Variants in IQCB1 observed in about 807,000 individuals in gnomAD.
IQCB1 encodes IQ motif containing B1.
A neutral mutation model predicts 84.4 loss-of-function variants in IQCB1; 56 were observed. The ratio of observed to expected loss-of-function variants is 0.66; its 90% CI spans 0.54 to 0.83. The LOEUF (loss-of-function observed/expected upper bound fraction) is 0.83. Ranked by LOEUF, IQCB1 falls within the 40% of genes least tolerant of loss-of-function variation. The pLI, the probability that IQCB1 is intolerant of heterozygous loss-of-function variation, is 0.00. For synonymous variants in IQCB1, 210 were observed against 234.8 expected, an observed-to-expected ratio of 0.89 and a Z score of 0.96; for missense variants, 629 against 682.1, an observed-to-expected ratio of 0.92 and a Z score of 0.87.
At chr3:121,809,578 A>C (rs1419683058) in intron 5 of IQCB1, among the ~76,000 whole-genome samples, 6 of 152,144 alleles carry the variant, frequency 3.9e-5, no homozygotes, top group Admixed American at 1.3e-4. Flanking sequence ...TTTCTAGGAC[A>C]GTTCTGACAC....
At chr3:121,776,404 T>C (rs1948229646) in intron 13 of IQCB1, among the ~76,000 whole-genome samples, 1 of 152,222 alleles carries the variant, frequency 6.6e-6, no homozygotes, top group Admixed American at 6.5e-5. Context: ...GATAGATGTA[T>C]GTTTAATTTT....
Position 121,770,349 on chromosome 3 carries a change from G to C in IQCB1, c.1793C>G (p.Pro598Arg). 1.9e-6 allele frequency: 3 copies of C among 1,592,462 alleles called. No individual in the cohort carries two copies. The highest frequency in any genetic ancestry group is 2.6e-6 in the Non-Finnish European group (3 of 1,160,458). The change falls in exon 15 of 15, where the codon CCT (proline) becomes CGT (arginine). Residue 598 changes from proline to arginine, a missense_variant. Coordinates refer to ENST00000310864, the MANE Select transcript of IQCB1 (RefSeq NM_001023570.4). Reference protein sequence around the residue: ...ENLFIGGTKPP With the variant: ...ENLFIGGTKPR ...GTCAATTCTTAGGGTTACTCACTAAGGTGGTTTGGTTCCACCAATGAATAA... is the reference window on the plus strand; with the variant it reads ...GTCAATTCTTAGGGTTACTCACTAACGTGGTTTGGTTCCACCAATGAATAA...
chr3:121,789,474 C>T (rs889530490), intron 11 of IQCB1, among the ~76,000 whole-genome samples: 2 of 151,940 alleles, frequency 1.3e-5, no homozygotes, highest in Non-Finnish European at 2.9e-5. Flanking sequence ...GATGGATACC[C>T]CAGGAAGAGA....
At chr3:121,795,214 C>T (rs1949131715) in intron 10 of IQCB1, among the ~76,000 whole-genome samples, 1 of 151,982 alleles carries the variant, frequency 6.6e-6, no homozygotes, top group Non-Finnish European at 1.5e-5. Flanking sequence ...GGCTTGGCCC[C>T]TCCCCAAATA....
At chr3:121,813,376 A>G (rs1297090632) in intron 5 of IQCB1, among the ~76,000 whole-genome samples, 1 of 152,222 alleles carries the variant, frequency 6.6e-6, no homozygotes, top group Non-Finnish European at 1.5e-5. Flanking sequence ...AATGTGCAAA[A>G]TAACCAGCCA....
intron 14 of IQCB1, among the ~76,000 whole-genome samples, chr3:121,770,825 C>T (rs1947948855): frequency 6.6e-6 from 1 of 152,056 alleles, no homozygotes; most frequent in Non-Finnish European, 1.5e-5. Context: ...TGGGACTATG[C>T]CACCACACCC....
chr3:121,788,503 T>C, intron 11 of IQCB1, 71 bp from the exon 12 acceptor site: 5 of 1,328,450 alleles, frequency 3.8e-6, no homozygotes, highest in South Asian at 2.4e-5. Context: ...ATCAGGACAA[T>C]GATAATAATA....
intron 13 of IQCB1, 103 bp downstream of exon 13, chr3:121,781,640 C>T: frequency 3.5e-6 from 2 of 570,096 alleles, no homozygotes; most frequent in South Asian, 3.4e-5. Flanking sequence ...TGTACACACA[C>T]ACACACACAC....
intron 1 of IQCB1, 66 bp from the exon 2 acceptor site, chr3:121,834,545 C>A (rs1001342893): frequency 1.3e-5 from 2 of 152,332 alleles, no homozygotes; most frequent in Non-Finnish European, 2.9e-5. Flanking sequence ...TAAATGTCTG[C>A]AGTTGCTATC....
At chr3:121,793,570 T>G (rs774340645) in intron 10 of IQCB1, among the ~76,000 whole-genome samples, 1 of 152,160 alleles carries the variant, frequency 6.6e-6, no homozygotes, top group Non-Finnish European at 1.5e-5. Context: ...GGTGCTGAAC[T>G]GGAGAAAACT....
chr3:121,833,518 T>C (rs7646523), intron 2 of IQCB1, among the ~76,000 whole-genome samples: 60,322 of 152,046 alleles, frequency 0.4, 12,530 homozygotes, highest in South Asian at 0.56. Context: ...ATTATTGTCA[T>C]CAACAAATAT....
intron 7 of IQCB1, among the ~76,000 whole-genome samples, chr3:121,802,131 A>C (rs529746237): frequency 7.2e-5 from 11 of 152,114 alleles, no homozygotes; most frequent in African/African-American, 2.6e-4. Flanking sequence ...TGGTATCAGG[A>C]TAATGCTGAC....
At chr3:121,828,361 A>C in intron 4 of IQCB1, 109 bp downstream of exon 4, 1 of 901,714 alleles carries the variant, frequency 1.1e-6, no homozygotes, top group Admixed American at 1.7e-5. Context: ...CAAAACCTAC[A>C]ACAGGAGGTT....
chr3:121,809,055 C>CT, intron 5 of IQCB1, 46 bp from the exon 6 acceptor site: 1 of 1,168,328 alleles, frequency 8.6e-7, no homozygotes, highest in Admixed American at 2.2e-5. Flanking sequence ...TAGTTTTTTT[C>CT]CTTTTTTTTT....
At position 121,781,765 on chromosome 3, in the gene IQCB1, T is replaced by A; in HGVS notation, c.1388A>T (p.Asp463Val). The stretch of plus-strand genomic sequence containing the variant: ...TACCAAATGTCTTCTGACATAGTCA[T>A]CCACTCGTTTCTTCAGTTCAACTCG... Reference protein sequence around the residue: ...ARRVELKKRVDDYVRRHLGSP... With the variant: ...ARRVELKKRVVDYVRRHLGSP... The change falls in exon 13 of 15, where the codon GAT becomes GTT. Residue 463 changes from aspartate (D) to valine (V), a missense_variant. Transcript: ENST00000310864. The A allele has an allele frequency of 6.2e-7, 1 of 1,613,708 alleles. No homozygotes were observed. Among genetic ancestry groups the A allele is most frequent in the Non-Finnish European group, 8.5e-7 (1 of 1,179,712 alleles).
At chr3:121,776,536 G>A (rs750564537) in intron 13 of IQCB1, among the ~76,000 whole-genome samples, 1 of 152,154 alleles carries the variant, frequency 6.6e-6, no homozygotes. Flanking sequence ...CAACAGGTAT[G>A]AAGTATCTTA....
chr3:121,814,361 G>C (rs536269994), intron 5 of IQCB1, among the ~76,000 whole-genome samples: 2 of 152,256 alleles, frequency 1.3e-5, no homozygotes, highest in Non-Finnish European at 2.9e-5. Context: ...AAGAGAACTA[G>C]AGAAGCAAGA....
rs1176530730 is a variant in IQCB1, at chr3:121,801,631, T to G, written c.588-2257A>C. ...CATATATGTAAAGCATATAATTTCA[T>G]CAGTTTGACATGTTTCACCAACATA... On this transcript the variant is annotated intron_variant, in intron 7 of 14. Coordinates refer to ENST00000310864, the MANE Select transcript of IQCB1 (RefSeq NM_001023570.4). 2.0e-5 allele frequency among the ~76,000 whole-genome samples: 3 copies of G among 152,026 alleles called. No homozygotes were observed. In the East Asian group the frequency reaches 5.8e-4, roughly 29 times the overall value.
intron 5 of IQCB1, among the ~76,000 whole-genome samples, chr3:121,810,617 G>T (rs1005905256): frequency 4.6e-5 from 7 of 151,652 alleles, no homozygotes; most frequent in African/African-American, 1.7e-4. Flanking sequence ...TAAGGAAAAA[G>T]AATTATTAAT....
Sources: allele counts gnomAD v4.1 joint callset (sites outside exome capture counted in the v4.1 genomes callset), GRCh38; gene constraint gnomAD v4.1.1; transcripts MANE v1.5; gene names NCBI Gene and HGNC (gene_info 2026-07-23, HGNC 2026-07-21).